Variants in PROS1 observed in about 807,000 individuals in gnomAD.
PROS1 encodes protein S, also known as vitamin K-dependent protein S.
Under a neutral mutation model 75.9 loss-of-function variants are expected in PROS1, and 29 were observed. The ratio of observed to expected loss-of-function variants is 0.38; its 90% confidence interval spans 0.28 to 0.52. PROS1 has a LOEUF of 0.52. PROS1 is among the 20% of genes least tolerant of loss of function. The probability of loss-of-function intolerance (pLI) is 0.83; values close to 1 mark genes in which losing one functional copy is unlikely to be tolerated. For synonymous variants in PROS1, 245 were observed against 280.6 expected, an observed-to-expected ratio of 0.87 and a Z score of 1.27; for missense variants, 680 against 810.3, an observed-to-expected ratio of 0.84 and a Z score of 1.95.
chr3:93,906,427 C>T (rs1348497498), intron 4 of PROS1, among the ~76,000 whole-genome samples: 1 of 152,192 alleles, frequency 6.6e-6, no homozygotes, highest in Non-Finnish European at 1.5e-5. Flanking sequence ...TCCCACTCCA[C>T]AGAGCAGATA....
intron 10 of PROS1, among the ~76,000 whole-genome samples, chr3:93,889,773 G>A (rs1213024715): frequency 3.3e-5 from 5 of 152,094 alleles, no homozygotes; most frequent in African/African-American, 9.7e-5. Flanking sequence ...ATCTTCATAA[G>A]CTGAGGATCT....
intron 3 of PROS1, among the ~76,000 whole-genome samples, chr3:93,915,373 C>G (rs536401231): frequency 9.6e-4 from 146 of 152,184 alleles, no homozygotes; most frequent in African/African-American, 2.6e-3. Flanking sequence ...GGCTGAGGTA[C>G]AAGAACTGCT....
At chr3:93,944,960 C>T (rs372855740) in intron 1 of PROS1, among the ~76,000 whole-genome samples, 99 of 151,682 alleles carry the variant, frequency 6.5e-4, no homozygotes, top group African/African-American at 1.6e-3. Context: ...ATCAAATAGA[C>T]GCAATAAAAA....
chr3:93,951,700 TAAAC>T (rs1709499524), intron 1 of PROS1, among the ~76,000 whole-genome samples: 1 of 152,070 alleles, frequency 6.6e-6, no homozygotes, highest in Admixed American at 6.6e-5. Context: ...ACGAGCAAAA[TAAAC>T]AGTTAACATC....
At chr3:93,918,761 G>A (rs1039424512) in intron 3 of PROS1, among the ~76,000 whole-genome samples, 2 of 152,060 alleles carry the variant, frequency 1.3e-5, no homozygotes, top group Non-Finnish European at 2.9e-5. Flanking sequence ...GGTCAGGCTG[G>A]TCTCGAACTC....
chr3:93,910,858 C>T (rs1244683801), intron 3 of PROS1, 153 bp from the exon 4 acceptor site: 1 of 665,650 alleles, frequency 1.5e-6, no homozygotes, highest in Non-Finnish European at 2.7e-6. Context: ...TTTCCATCTA[C>T]CTTTCTGAAA....
Position 93,886,554 on chromosome 3 carries a change from T to C in PROS1, c.1156-51A>G, listed in dbSNP as rs1401701589. On this transcript the variant is annotated intron_variant, in intron 10 of 14. Transcript: ENST00000394236. ...AATAACCAAGTATTACTACATGTCA[T>C]TTGAAATACTGGGATCTAAAACTTA... 3 of 1,349,874 alleles carry C rather than the reference T, an allele frequency of 2.2e-6. No individual in the cohort carries two copies. The African/African-American group carries it at 4.3e-5, about 20-fold the overall frequency. The allele number at this position is 1,349,874 out of a possible 1,614,324, so 83.6% of individuals were successfully genotyped here.
intron 13 of PROS1, 63 bp from the exon 14 acceptor site, chr3:93,877,254 C>G: frequency 7.6e-7 from 1 of 1,316,388 alleles, no homozygotes; most frequent in East Asian, 2.4e-5. Flanking sequence ...TTAAGAGTGA[C>G]TTTTGAGTTT....
intron 3 of PROS1, among the ~76,000 whole-genome samples, chr3:93,921,949 T>G (rs1708948320): frequency 6.6e-6 from 1 of 152,224 alleles, no homozygotes; most frequent in Non-Finnish European, 1.5e-5. Flanking sequence ...TATTGTATTT[T>G]TTGTGTTTGT....
At chr3:93,945,653 C>T (rs986154309) in intron 1 of PROS1, among the ~76,000 whole-genome samples, 18 of 152,140 alleles carry the variant, frequency 1.2e-4, no homozygotes, top group South Asian at 2.1e-4. Flanking sequence ...ATTGATGGGA[C>T]GTATCTCAAA....
At chr3:93,928,011 A>ATGTATAT (rs1235149837) in intron 1 of PROS1, among the ~76,000 whole-genome samples, 2 of 44,456 alleles carry the variant, frequency 4.5e-5, no homozygotes, top group East Asian at 1.4e-3. Context: ...ATATATATAT[A>ATGTATAT]TTTTTTTTTT....
At chr3:93,935,982 A>G (rs1709176590) in intron 1 of PROS1, among the ~76,000 whole-genome samples, 2 of 151,258 alleles carry the variant, frequency 1.3e-5, no homozygotes, top group African/African-American at 4.8e-5. Context: ...TCAGCCACAG[A>G]CAAAATGAAA....
chr3:93,917,322 G>A (rs1451420959), intron 3 of PROS1, among the ~76,000 whole-genome samples: 1 of 150,986 alleles, frequency 6.6e-6, no homozygotes, highest in Non-Finnish European at 1.5e-5. Flanking sequence ...TTTTTTCTTT[G>A]AGACAGAGTC....
chr3:93,876,768 T>C, intron 14 of PROS1, among the ~76,000 whole-genome samples, 198 bp downstream of exon 14: 1 of 152,056 alleles, frequency 6.6e-6, no homozygotes, highest in East Asian at 1.9e-4. Flanking sequence ...TGATCAGCCT[T>C]AGTTCAACAT....
intron 1 of PROS1, among the ~76,000 whole-genome samples, chr3:93,949,531 G>A (rs2107240125): frequency 6.6e-6 from 1 of 152,066 alleles, no homozygotes; most frequent in South Asian, 2.1e-4. Context: ...AAGGTGCAAA[G>A]TAGGAAAAAA....
rs1708202153 is a variant in PROS1 at position 93,877,146 on chromosome 3, C to A, written c.1690G>T (p.Ala564Ser). 6 of 1,611,398 alleles carry A rather than the reference C, an allele frequency of 3.7e-6. No individual in the cohort carries two copies. In the African/African-American group the frequency reaches 5.3e-5, roughly 14 times the overall value. Reference protein sequence around the residue: ...VENTVIYRIQALSLCSDQQSH... With the variant: ...VENTVIYRIQSLSLCSDQQSH... ...TGTTGATCGGAACATAGACTTAGGG[C>A]CTGTATCCGATATATTACAGTATTT... The change falls in exon 14 of 15, where the codon GCC becomes TCC. Residue 564 changes from alanine to serine, a missense_variant. Physicochemically the swap from Ala to Ser is moderately conservative, Grantham distance 99 (BLOSUM62 1). Transcript: ENST00000394236.
intron 1 of PROS1, among the ~76,000 whole-genome samples, chr3:93,954,242 A>T (rs1709560615): frequency 1.3e-5 from 2 of 152,148 alleles, no homozygotes; most frequent in Non-Finnish European, 2.9e-5. Flanking sequence ...GTTTATATGG[A>T]ACCAAAAAAG....
At chr3:93,934,542 ATGAAC>A (rs2107214724) in intron 1 of PROS1, among the ~76,000 whole-genome samples, 1 of 152,374 alleles carries the variant, frequency 6.6e-6, no homozygotes, top group South Asian at 2.1e-4. Context: ...ACATTCTGTA[ATGAAC>A]TGTATCTAGG....
chr3:93,927,899 ATG>A (rs1186398916), intron 1 of PROS1, among the ~76,000 whole-genome samples: 53 of 124,650 alleles, frequency 4.3e-4, no homozygotes, highest in East Asian at 1.4e-3. Context: ...ATATATATAT[ATG>A]TGTGTGTGTG....
Sources: allele counts gnomAD v4.1 joint callset (sites outside exome capture counted in the v4.1 genomes callset), GRCh38; gene constraint gnomAD v4.1.1; transcripts MANE v1.5; gene names NCBI Gene and HGNC (gene_info 2026-07-23, HGNC 2026-07-21).